The following MAP3K12 variants were observed in gnomAD, a reference collection of about 807,000 sequenced individuals.
The protein encoded by MAP3K12 is MAPK-upstream kinase.
Under a neutral mutation model 87.5 loss-of-function variants are expected in MAP3K12, and 14 were observed. That is an observed-to-expected ratio of 0.16 (90% confidence interval 0.11 to 0.25). The LOEUF (loss-of-function observed/expected upper bound fraction) is 0.25, where lower values mean the gene tolerates loss of function less well. Among genes scored for constraint, MAP3K12 ranks in the 10% least tolerant of loss-of-function variants. The pLI is 1.00. For missense variants in MAP3K12, 802 were observed against 1,140.4 expected, an observed-to-expected ratio of 0.70 and a Z score of 4.27; for synonymous variants, 469 against 452.5, an observed-to-expected ratio of 1.04 and a Z score of -0.46.
Position 53,483,045 on chromosome 12 carries a change from C to G in MAP3K12, c.1758G>C (p.Lys586Asn), listed in dbSNP as rs763110667. Residue 586 changes from lysine (K) to asparagine (N), a missense_variant, in exon 11 of 14, where the codon AAG (lysine) becomes AAC (asparagine). Physicochemically the swap from Lys to Asn is moderately conservative, Grantham distance 94. Around this residue, in one of 5 missense-constraint regions of MAP3K12, gnomAD observed 490 missense variants for 496.6 expected, o/e 0.99. Coordinates refer to ENST00000547488, the MANE Select transcript of MAP3K12 (RefSeq NM_001193511.2). ...GCCCAGGCAGGTCCCCACAGCTCCC[C>G]TTGGCGCTGGCCTTGCGGTGACGGG... is the stretch of plus-strand genomic sequence containing the variant. ...GKTRHRKASA[K>N]GSCGDLPGLR... is the part of the protein sequence containing the mutation. 1 of 1,552,920 alleles carries G rather than the reference C, an allele frequency of 6.4e-7. No individual in the cohort carries two copies.
Position 53,479,935 on chromosome 12 carries a change from A to G in MAP3K12, c.*1247T>C, listed in dbSNP as rs1231833157. 1 of 152,154 alleles carries G rather than the reference A, an allele frequency of 6.6e-6. No homozygotes were observed. Among genetic ancestry groups the G allele is most frequent in the Non-Finnish European group, 1.5e-5 (1 of 68,108 alleles). The allele number at this position is 152,154 out of a possible 1,614,324, so 9.4% of individuals were successfully genotyped here. On this transcript the variant is annotated 3_prime_UTR_variant, in exon 14 of 14. Transcript: ENST00000547488. ...TGAATGGAAGCCTTTATTCCGGTTA[A>G]GATGTTTTCTTCTATTTTACCACTT...
Position 53,480,307 on chromosome 12 carries a change from T to G in MAP3K12, c.*875A>C, listed in dbSNP as rs1942967928. 1 of 152,240 alleles carries G rather than the reference T, an allele frequency of 6.6e-6. No individual in the cohort carries two copies. The highest frequency in any genetic ancestry group is 1.5e-5 in the Non-Finnish European group (1 of 68,032). 9.4% of individuals were successfully genotyped at this position (152,240 alleles called of 1,614,324 possible). A position where few individuals can be genotyped will look rare whatever the true frequency, so the allele number is the denominator to read the frequency against. ...TAACAAGTTAGAAGGATGTATCTGC[T>G]ACCATTTATTCCTATAATTTTAGAA... On this transcript the variant is annotated 3_prime_UTR_variant, in exon 14 of 14. Coordinates refer to ENST00000547488, the MANE Select transcript of MAP3K12 (RefSeq NM_001193511.2).
intron 1 of MAP3K12, among the ~76,000 whole-genome samples, chr12:53,489,207 G>C (rs1243709462): frequency 6.6e-6 from 1 of 152,032 alleles, no homozygotes; most frequent in East Asian, 1.9e-4. Flanking sequence ...TCCTGTGACT[G>C]TGGTCCCAGC....
Position 53,481,200 on chromosome 12 carries a change from T to TGGG in MAP3K12, c.2658_2660dup (p.Pro887dup). 6.6e-7 allele frequency: 1 copy of TGGG among 1,525,420 alleles called. No individual in the cohort carries two copies. Among genetic ancestry groups the TGGG allele is most frequent in the Non-Finnish European group, 8.8e-7 (1 of 1,133,210 alleles). 94.5% of individuals were successfully genotyped at this position (1,525,420 alleles called of 1,614,324 possible). A position where few individuals can be genotyped will look rare whatever the true frequency, so the allele number is the denominator to read the frequency against. On this transcript the variant is annotated inframe_insertion, in exon 14 of 14. Coordinates refer to ENST00000547488, the MANE Select transcript of MAP3K12 (RefSeq NM_001193511.2). ...GTGGCTTTCATGGAGGGAGGGAAGC[T>TGGG]GGGGGCCGCAAGGCATCAACGCTGT...
chr12:53,487,116 C>T lies in MAP3K12; in HGVS notation c.276G>A (p.Gly92=), dbSNP rs746477132. ...QLHEQDAGGP[G]GAAGSPESRA... is the part of the protein sequence containing the mutation. ...GACTCTCAGGTGACCCAGCTGCTCC[C>T]CCTGGGCCCCCTGCATCCTGCTCAT... Residue 92 remains glycine, a synonymous_variant, in exon 2 of 14, where the codon GGG becomes GGA. Coordinates refer to ENST00000547488, the MANE Select transcript of MAP3K12 (RefSeq NM_001193511.2). The T allele has an allele frequency of 6.2e-7, 1 of 1,614,038 alleles. No individual in the cohort carries two copies. Among genetic ancestry groups the T allele is most frequent in the South Asian group, 1.1e-5 (1 of 91,078 alleles).
intron 1 of MAP3K12, among the ~76,000 whole-genome samples, chr12:53,497,416 A>C (rs1305445121): frequency 6.6e-6 from 1 of 152,136 alleles, no homozygotes; most frequent in Non-Finnish European, 1.5e-5. Flanking sequence ...GAATGAAGAA[A>C]CCAAAGGGCA....
At position 53,496,432 on chromosome 12, in the gene MAP3K12, T is replaced by A. The variant is rs566264219; in HGVS notation, c.-38+2995A>T. Among the ~76,000 whole-genome samples the A allele has an allele frequency of 5.3e-5, 8 of 152,256 alleles. No homozygotes were observed. The South Asian group carries it at 1.7e-3, about 32-fold the overall frequency. On this transcript the variant is annotated intron_variant, in intron 1 of 13. Transcript: ENST00000547488. ...AGCTGTACTGCTAAGATCCTCCCTTTGATCACGTGGCCCTGGATCACCCCT... is the reference window on the plus strand; with the variant it reads ...AGCTGTACTGCTAAGATCCTCCCTTAGATCACGTGGCCCTGGATCACCCCT...
intron 1 of MAP3K12, among the ~76,000 whole-genome samples, chr12:53,490,128 C>A (rs1394057810): frequency 6.6e-6 from 1 of 151,946 alleles, no homozygotes; most frequent in African/African-American, 2.4e-5. Flanking sequence ...CATGGTGAAA[C>A]CCCGTCTCTA....
intron 1 of MAP3K12, among the ~76,000 whole-genome samples, chr12:53,494,341 G>A (rs946610240): frequency 6.6e-6 from 1 of 152,240 alleles, no homozygotes; most frequent in Admixed American, 6.5e-5. Context: ...TGGGTGAGGG[G>A]ACAGAATGAT....
intron 1 of MAP3K12, chr12:53,493,083 G>T (rs1456662866): frequency 1.3e-5 from 2 of 152,506 alleles, no homozygotes; most frequent in Middle Eastern, 3.4e-3. Flanking sequence ...GGTGGTCCGG[G>T]TGGGGAAAGG....
upstream of MAP3K12, chr12:53,501,268 G>A (rs939676579): frequency 1.2e-5 from 10 of 830,838 alleles, no homozygotes; most frequent in Non-Finnish European, 1.9e-5. Context: ...GGGTGGGCGG[G>A]GGACTCCATA....
At position 53,482,016 on chromosome 12, in the gene MAP3K12, T is replaced by C; in HGVS notation, c.2505A>G (p.Pro835=). ...GGCCAGGGATGACCTCTGAAGGAGGTGGGTCCAGTGGGATTTCTGAGCCCT... is the reference window on the plus strand; with the variant it reads ...GGCCAGGGATGACCTCTGAAGGAGGCGGGTCCAGTGGGATTTCTGAGCCCT... ...CSQGSEIPLD[P]PPSEVIPGPE... The change falls in exon 13 of 14, where the codon CCA becomes CCG. Residue 835 remains proline (P), a synonymous_variant. Transcript: ENST00000547488. 4 of 1,614,008 alleles carry C rather than the reference T, an allele frequency of 2.5e-6. No individual in the cohort carries two copies. Among genetic ancestry groups the C allele is most frequent in the Non-Finnish European group, 3.4e-6 (4 of 1,180,006 alleles).
intron 10 of MAP3K12, 57 bp downstream of exon 10, chr12:53,483,292 C>G (rs1592708985): frequency 6.3e-7 from 1 of 1,593,662 alleles, no homozygotes; most frequent in East Asian, 2.2e-5. Flanking sequence ...GCTAATATAC[C>G]TGTTGCCACT....
intron 1 of MAP3K12, among the ~76,000 whole-genome samples, chr12:53,498,943 T>G (rs1943604566): frequency 6.5e-5 from 1 of 15,388 alleles, no homozygotes; most frequent in Non-Finnish European, 1.5e-4. Flanking sequence ...TGTGTGTGTG[T>G]GTGTGTGTGT....
At position 53,482,800 on chromosome 12, in the gene MAP3K12, G is replaced by A; in HGVS notation, c.2003C>T (p.Pro668Leu). Residue 668 changes from proline (P) to leucine (L), a missense_variant, in exon 11 of 14, where the codon CCA becomes CTA. By Grantham distance (98) the Pro-to-Leu change is moderately conservative (BLOSUM62 -3). Transcript: ENST00000547488. ...ATGGAGDPGS[P>L]PPARGDTPPS... is the part of the protein sequence containing the mutation. ...TGGGGTGTCACCCCGGGCCGGAGGT[G>A]GTGAGCCAGGATCCCCAGCTCCGCC... The A allele has an allele frequency of 6.2e-7, 1 of 1,611,686 alleles. No homozygotes were observed. The highest frequency in any genetic ancestry group is 8.5e-7 in the Non-Finnish European group (1 of 1,178,350).
intron 1 of MAP3K12, among the ~76,000 whole-genome samples, chr12:53,494,870 C>A (rs1005158814): frequency 1.7e-4 from 26 of 152,134 alleles, no homozygotes; most frequent in African/African-American, 6.3e-4. Context: ...CTCCTGTCCC[C>A]TTGGCTGCAG....
intron 1 of MAP3K12, among the ~76,000 whole-genome samples, chr12:53,490,981 T>C (rs543214633): frequency 6.6e-6 from 1 of 151,966 alleles, no homozygotes; most frequent in African/African-American, 2.4e-5. Flanking sequence ...CACCCAATGA[T>C]AATGGCTAAC....
chr12:53,489,795 C>T (rs1056428263), intron 1 of MAP3K12, among the ~76,000 whole-genome samples: 4 of 152,148 alleles, frequency 2.6e-5, no homozygotes, highest in African/African-American at 9.7e-5. Flanking sequence ...AGACTTTTTC[C>T]TGGGGGGTGA....
In MAP3K12 at chr12:53,485,459, C is replaced by T. The variant is rs760447751; in HGVS notation, c.838G>A (p.Asp280Asn). The change falls in exon 5 of 14, where the codon GAC becomes AAC. Residue 280 changes from aspartate to asparagine, a missense_variant. Around this residue, in one of 5 missense-constraint regions of MAP3K12, gnomAD observed 21 missense variants for 136.9 expected, o/e 0.15. Transcript: ENST00000547488. The stretch of plus-strand genomic sequence containing the variant: ...AAATCTGAGATCTTCACCACATCGT[C>T]GTAGGTGATTAGCATGCTGGTAAAG... ...LKSPNMLITY[D>N]DVVKISDFGT... is the part of the protein sequence containing the mutation. 3 of 1,613,886 alleles carry T rather than the reference C, an allele frequency of 1.9e-6. No individual in the cohort carries two copies. Among genetic ancestry groups the T allele is most frequent in the East Asian group, 2.2e-5 (1 of 44,902 alleles).
Sources: gnomAD v4.1 joint callset for allele counts (sites outside exome capture counted in the v4.1 genomes callset) on GRCh38, gnomAD v4.1.1 for gene constraint, gnomAD v4.1.1 regional missense constraint, MANE v1.5 for transcripts, NCBI Gene and HGNC (gene_info 2026-07-23, HGNC 2026-07-21) for gene names.